MAF: variants seen among roughly 807,000 people sequenced by gnomAD.
The protein encoded by MAF is MAF bZIP transcription factor, also known as transcription factor Maf.
Under a neutral mutation model 22.0 loss-of-function variants are expected in MAF, and 10 were observed. The observed-to-expected ratio is 0.45, with a 90% CI of 0.28 to 0.77. The LOEUF is 0.77. Ranked by LOEUF, MAF falls within the 30% of genes least tolerant of loss-of-function variation. The pLI is 0.12. For missense variants in MAF, 544 were observed against 548.4 expected (o/e 0.99, Z 0.08); for synonymous variants, 337 against 255.8 (o/e 1.32, Z -3.03).
At chr16:79,552,291 G>A in the MAF span, among the ~76,000 whole-genome samples, 1 of 151,674 alleles carries the variant, frequency 6.6e-6, no homozygotes, top group African/African-American at 2.4e-5. Flanking sequence ...ATGGCTCACC[G>A]AAGCCTCGAA....
chr16:79,576,219 G>A, the MAF span, among the ~76,000 whole-genome samples: 37 of 109,574 alleles, frequency 3.4e-4, no homozygotes, highest in African/African-American at 1.3e-3. Flanking sequence ...TAATAAAAGA[G>A]TCCTGTGGTA....
the MAF span, among the ~76,000 whole-genome samples, chr16:79,481,655 T>C: frequency 6.6e-6 from 1 of 151,572 alleles, no homozygotes; most frequent in Non-Finnish European, 1.5e-5. Flanking sequence ...CATCCACTCA[T>C]CCACCTATGC....
chr16:79,211,198 G>C, the MAF span, among the ~76,000 whole-genome samples: 3 of 152,188 alleles, frequency 2.0e-5, no homozygotes, highest in Non-Finnish European at 2.9e-5. Flanking sequence ...TTGTCAGACA[G>C]AAGGTTCTAC....
At chr16:79,563,016 A>T in the MAF span, among the ~76,000 whole-genome samples, 1 of 152,192 alleles carries the variant, frequency 6.6e-6, no homozygotes, top group Admixed American at 6.5e-5. Context: ...CCTCCTGTCC[A>T]TTCATCCGTT....
At chr16:79,452,370 A>G in the MAF span, among the ~76,000 whole-genome samples, 1 of 152,198 alleles carries the variant, frequency 6.6e-6, no homozygotes, top group Non-Finnish European at 1.5e-5. Context: ...TTAACTACAT[A>G]TATGCAATTT....
downstream of MAF, among the ~76,000 whole-genome samples, chr16:79,589,210 T>C (rs145860343): frequency 2.6e-5 from 4 of 152,298 alleles, no homozygotes; most frequent in African/African-American, 9.6e-5. Flanking sequence ...AATTAGTGGT[T>C]TTAAAAGTCT....
At chr16:79,473,180 G>A in the MAF span, among the ~76,000 whole-genome samples, 14 of 152,064 alleles carry the variant, frequency 9.2e-5, 1 homozygote, top group Non-Finnish European at 1.3e-4. Context: ...ATCGTGGGAG[G>A]AACAGCCACA....
the MAF span, among the ~76,000 whole-genome samples, chr16:79,563,828 A>G: frequency 6.6e-6 from 1 of 152,046 alleles, no homozygotes; most frequent in Non-Finnish European, 1.5e-5. Flanking sequence ...CCTTACACTC[A>G]CCTAGCAATT....
At chr16:79,445,019 A>G in the MAF span, among the ~76,000 whole-genome samples, 2 of 152,070 alleles carry the variant, frequency 1.3e-5, no homozygotes, top group Non-Finnish European at 1.5e-5. Context: ...TGAAACACAT[A>G]AAGATTTATT....
chr16:79,445,555 C>T, the MAF span, among the ~76,000 whole-genome samples: 1 of 152,230 alleles, frequency 6.6e-6, no homozygotes, highest in Admixed American at 6.5e-5. Flanking sequence ...GCTAACCCCC[C>T]AAGCTCAGGT....
chr16:79,211,973 T>TA, the MAF span: 1 of 1,534,432 alleles, frequency 6.5e-7, no homozygotes, highest in African/African-American at 1.4e-5. Flanking sequence ...AGGGAATTCC[T>TA]GGGGTAAAGT....
the MAF span, among the ~76,000 whole-genome samples, chr16:79,327,854 C>A: frequency 6.6e-6 from 1 of 152,206 alleles, no homozygotes. Context: ...CAATAACATT[C>A]ATTCCTATGT....
chr16:79,544,020 A>G, the MAF span, among the ~76,000 whole-genome samples: 2 of 152,178 alleles, frequency 1.3e-5, no homozygotes, highest in African/African-American at 4.8e-5. Flanking sequence ...GTAGAGAGAC[A>G]GACACCAAGA....
chr16:79,381,290 T>C, the MAF span, among the ~76,000 whole-genome samples: 6 of 152,356 alleles, frequency 3.9e-5, no homozygotes, highest in Admixed American at 1.3e-4. Flanking sequence ...AAGGGTCACA[T>C]TATGCATTTC....
the MAF span, among the ~76,000 whole-genome samples, chr16:79,571,443 G>T: frequency 6.6e-6 from 1 of 151,432 alleles, no homozygotes; most frequent in Non-Finnish European, 1.5e-5. Context: ...AGCCCAGGGA[G>T]CTTCTAGTGG....
At chr16:79,351,069 C>T in the MAF span, among the ~76,000 whole-genome samples, 1 of 152,266 alleles carries the variant, frequency 6.6e-6, no homozygotes, top group South Asian at 2.1e-4. Context: ...CTCTGCCTCT[C>T]CATCAGCTGT....
chr16:79,278,621 G>A, the MAF span, among the ~76,000 whole-genome samples: 12 of 152,090 alleles, frequency 7.9e-5, no homozygotes, highest in East Asian at 1.9e-4. Flanking sequence ...GTCTGAAAGC[G>A]CAAGAGCTGT....
At chr16:79,559,764 C>T in the MAF span, among the ~76,000 whole-genome samples, 1 of 152,184 alleles carries the variant, frequency 6.6e-6, no homozygotes, top group Non-Finnish European at 1.5e-5. Context: ...TTTTTCTTTC[C>T]CTCCTCTTGA....
chr16:79,206,579 T>C, the MAF span: 2 of 152,240 alleles, frequency 1.3e-5, no homozygotes, highest in African/African-American at 4.8e-5. Flanking sequence ...TAGTCATTGA[T>C]GTCACTTGAA....
Sources: allele counts gnomAD v4.1 joint callset (sites outside exome capture counted in the v4.1 genomes callset), GRCh38; gene constraint gnomAD v4.1.1; transcripts MANE v1.5; gene names NCBI Gene and HGNC (gene_info 2026-07-23, HGNC 2026-07-21).